The following STIM1 variants were observed in gnomAD, a reference collection of about 807,000 sequenced individuals.
STIM1 encodes stromal interaction molecule 1.
Under a neutral mutation model 74.7 loss-of-function variants are expected in STIM1, and 25 were observed. The observed-to-expected ratio is 0.33, with a 90% CI of 0.24 to 0.47. The LOEUF is 0.47. STIM1 is among the 20% of genes least tolerant of loss of function. The probability of loss-of-function intolerance (pLI) is 1.00; values close to 1 mark genes in which losing one functional copy is unlikely to be tolerated. For missense variants in STIM1, 728 were observed against 920.8 expected (o/e 0.79, Z 2.71); for synonymous variants, 328 against 348.8 (o/e 0.94, Z 0.66).
chr11:3,888,859 A>G (rs2091812751), intron 1 of STIM1, among the ~76,000 whole-genome samples: 1 of 152,018 alleles, frequency 6.6e-6, no homozygotes, highest in African/African-American at 2.4e-5. Flanking sequence ...GCCGCCGTGT[A>G]GTCTTTAATG....
chr11:3,952,291 T>C (rs1157700284), intron 1 of STIM1, among the ~76,000 whole-genome samples: 1 of 152,142 alleles, frequency 6.6e-6, no homozygotes, highest in Non-Finnish European at 1.5e-5. Flanking sequence ...TGCATGCCTG[T>C]GGTCTCAGCT....
chr11:4,005,511 A>T (rs2093769504), intron 2 of STIM1, among the ~76,000 whole-genome samples: 2 of 144,632 alleles, frequency 1.4e-5, no homozygotes, highest in Admixed American at 1.4e-4. Context: ...GTTCTCACTC[A>T]TAGGTGGGAA....
intron 1 of STIM1, among the ~76,000 whole-genome samples, chr11:3,954,407 A>G (rs1198096986): frequency 6.6e-6 from 1 of 152,196 alleles, no homozygotes; most frequent in Non-Finnish European, 1.5e-5. Flanking sequence ...GGACTAAGCT[A>G]GGTGCTAGCA....
rs576654606 is a variant in STIM1 at position 4,003,572 on chromosome 11, A to G, written c.271-20301A>G. Among the ~76,000 whole-genome samples the G allele has an allele frequency of 3.9e-5, 6 of 152,180 alleles. No homozygotes were observed. In the South Asian group the frequency reaches 1.0e-3, roughly 26 times the overall value. On this transcript the variant is annotated intron_variant, in intron 2 of 12. Transcript: ENST00000526596. ...GCTAAAAACTCTCAATAAATTAGGT[A>G]TTGATGGGACGTATCTCAAAATAAT...
At chr11:3,922,110 A>G (rs567194159) in intron 1 of STIM1, among the ~76,000 whole-genome samples, 1 of 152,270 alleles carries the variant, frequency 6.6e-6, no homozygotes, top group South Asian at 2.1e-4. Context: ...TTATGCAATT[A>G]TAGATATTAA....
intron 3 of STIM1, among the ~76,000 whole-genome samples, chr11:4,030,312 G>T (rs900968141): frequency 1.9e-4 from 26 of 139,824 alleles, no homozygotes; most frequent in African/African-American, 7.4e-4. Flanking sequence ...GGGTGAAAGA[G>T]TGAAACTCCA....
At chr11:4,047,505 A>C (rs2094202563) in intron 3 of STIM1, among the ~76,000 whole-genome samples, 1 of 151,746 alleles carries the variant, frequency 6.6e-6, no homozygotes, top group Admixed American at 6.6e-5. Flanking sequence ...AATCCCAGCT[A>C]CTCCAGAGGC....
intron 2 of STIM1, chr11:3,989,443 C>G: frequency 2.8e-6 from 2 of 712,230 alleles, no homozygotes; most frequent in Non-Finnish European, 5.3e-6. Flanking sequence ...TTCCGCGGAG[C>G]TGACCTTGCT....
chr11:3,967,969 C>T (rs2093355880), intron 2 of STIM1, among the ~76,000 whole-genome samples: 2 of 152,172 alleles, frequency 1.3e-5, no homozygotes, highest in African/African-American at 4.8e-5. Context: ...AGAGAGATCC[C>T]TGAGGCTGGT....
chr11:3,874,426 A>G (rs900415161), intron 1 of STIM1, among the ~76,000 whole-genome samples: 8 of 152,212 alleles, frequency 5.3e-5, no homozygotes, highest in Admixed American at 3.9e-4. Context: ...ATGCTTCATA[A>G]TGCCCATTTT....
Position 3,924,349 on chromosome 11 carries a change from C to T in STIM1, c.140-43203C>T, listed in dbSNP as rs993607032. On this transcript the variant is annotated intron_variant, in intron 1 of 12. Transcript: ENST00000526596. The stretch of plus-strand genomic sequence containing the variant: ...AAGTAGCTGGGACTACAGGCGCCCA[C>T]CACCACGCCCGGCTAATTTTTTGTA... Among the ~76,000 whole-genome samples, 14 of 151,934 alleles carry T rather than the reference C, an allele frequency of 9.2e-5. 1 individual carries two copies. Among genetic ancestry groups the T allele is most frequent in the African/African-American group, 3.1e-4 (13 of 41,322 alleles).
At chr11:3,861,386 A>G (rs2090602252) in intron 1 of STIM1, among the ~76,000 whole-genome samples, 1 of 152,004 alleles carries the variant, frequency 6.6e-6, no homozygotes, top group African/African-American at 2.4e-5. Context: ...GGCATCCGCC[A>G]CCACGCCTGG....
intron 1 of STIM1, among the ~76,000 whole-genome samples, chr11:3,926,220 A>G (rs995004306): frequency 6.6e-6 from 1 of 152,200 alleles, no homozygotes; most frequent in African/African-American, 2.4e-5. Context: ...AAGTACCCTG[A>G]AAGCAAATGA....
In STIM1 at chr11:3,873,937, C is replaced by T. The variant is rs191121598; in HGVS notation, c.139+17528C>T. On this transcript the variant is annotated intron_variant, in intron 1 of 12. Transcript: ENST00000526596. ...GCTTTCCCTGGGGGCTCCTTTTAATCTCTGTGGTTATAGTCTTTTAAGGTT... is the reference window on the plus strand; with the variant it reads ...GCTTTCCCTGGGGGCTCCTTTTAATTTCTGTGGTTATAGTCTTTTAAGGTT... 1.6e-4 allele frequency among the ~76,000 whole-genome samples: 24 copies of T among 152,248 alleles called. No homozygotes were observed. In the East Asian group the frequency reaches 4.4e-3, roughly 28 times the overall value.
chr11:4,084,066 G>A (rs7104462), intron 10 of STIM1, among the ~76,000 whole-genome samples: 1 of 151,990 alleles, frequency 6.6e-6, no homozygotes, highest in Admixed American at 6.5e-5. Context: ...GATCCTACCC[G>A]CTCTTCCTCT....
At chr11:3,912,193 CCCTTCTCCCCTA>C (rs1370976768) in intron 1 of STIM1, among the ~76,000 whole-genome samples, 4 of 101,910 alleles carry the variant, frequency 3.9e-5, no homozygotes, top group Admixed American at 1.0e-4. Context: ...CCCCTCCCCT[CCCTTCTCCCCTA>C]CCTTCTCCCC....
chr11:3,892,906 C>G (rs952974629), intron 1 of STIM1: 2 of 1,369,106 alleles, frequency 1.5e-6, no homozygotes, highest in Middle Eastern at 3.6e-4. Flanking sequence ...GTACGGGGCT[C>G]CCGGCAGCAG....
At position 4,082,893 on chromosome 11, in the gene STIM1, A is replaced by G; in HGVS notation, c.1149A>G (p.Ile383Met). Reference protein sequence around the residue: ...LLVAKEGAEKIKKKRNTLFGT... With the variant: ...LLVAKEGAEKMKKKRNTLFGT... ...CCTCATCTTTGCAGGCTGAGAAGAT[A>G]AAAAAGAAGAGAAACACACTCTTTG... The change falls in exon 9 of 13, where the codon ATA (isoleucine) becomes ATG (methionine). Residue 383 changes from isoleucine (I) to methionine (M), a missense_variant. Around this residue, in one of 5 missense-constraint regions of STIM1, gnomAD observed 131 missense variants for 235.9 expected, o/e 0.56. Coordinates refer to ENST00000526596, the MANE Select transcript of STIM1 (RefSeq NM_001382567.1). 1 of 1,613,806 alleles carries G rather than the reference A, an allele frequency of 6.2e-7. No individual in the cohort carries two copies. The highest frequency in any genetic ancestry group is 2.2e-5 in the East Asian group (1 of 44,870).
chr11:4,015,282 G>C (rs968569893), intron 2 of STIM1, among the ~76,000 whole-genome samples: 2 of 152,180 alleles, frequency 1.3e-5, no homozygotes, highest in Admixed American at 6.5e-5. Context: ...TGTCTGTAAA[G>C]GATTTTATTT....
Sources: allele counts gnomAD v4.1 joint callset (sites outside exome capture counted in the v4.1 genomes callset), GRCh38; gene constraint gnomAD v4.1.1; regional missense constraint gnomAD v4.1.1; transcripts MANE v1.5; gene names NCBI Gene and HGNC (gene_info 2026-07-23, HGNC 2026-07-21).